The following NHSL2 variants were observed in gnomAD, a reference collection of about 807,000 sequenced individuals.
NHSL2 encodes NHS like 2, also known as NHS-like protein 2.
Under a neutral mutation model 53.4 loss-of-function variants are expected in NHSL2, and 27 were observed. That is an observed-to-expected ratio of 0.51 (90% CI 0.37 to 0.70). The LOEUF is 0.70. Ranked by LOEUF, NHSL2 falls within the 30% of genes least tolerant of loss-of-function variation. NHSL2 has a pLI of 0.00. For missense variants in NHSL2, 892 were observed against 980.1 expected, an observed-to-expected ratio of 0.91 and a Z score of 1.20; for synonymous variants, 408 against 404.1, an observed-to-expected ratio of 1.01 and a Z score of -0.12.
At chrX:72,048,641 C>T (rs1304185866) in intron 1 of NHSL2, among the ~76,000 whole-genome samples, 1 of 110,077 alleles carries the variant, frequency 9.1e-6, no homozygotes, top group East Asian at 2.8e-4. Flanking sequence ...GGCATTTCTC[C>T]TCCATGGTGA....
chrX:72,046,284 T>C (rs1350955644), intron 1 of NHSL2, among the ~76,000 whole-genome samples: 2 of 111,989 alleles, frequency 1.8e-5, no homozygotes, highest in Non-Finnish European at 3.8e-5. Context: ...TAAATGGCAC[T>C]AGACTCTAAA....
intron 1 of NHSL2, among the ~76,000 whole-genome samples, chrX:72,077,697 A>T (rs2041755932): frequency 8.9e-6 from 1 of 112,575 alleles, no homozygotes; most frequent in South Asian, 3.7e-4. Flanking sequence ...GGCAGCTCCT[A>T]CCACAGCAAC....
rs1276744226 is a variant in NHSL2, at chrX:72,138,973, C to T, written c.1425C>T (p.Gly475=). The part of the protein sequence containing the change: ...RHMPERPSKI[G]LLTSGTSRLE... ...TGCCCGAAAGACCCTCCAAGATTGG[C>T]CTTCTGACCAGTGGGACCTCGAGGC... is the stretch of plus-strand genomic sequence containing the variant. Residue 475 remains glycine (G), a synonymous_variant, in exon 6 of 8, where the codon GGC becomes GGT. Transcript: ENST00000633930. 1 of 1,199,033 alleles carries T rather than the reference C, an allele frequency of 8.3e-7. No individual in the cohort carries two copies.
At chrX:71,960,044 CTTA>C (rs1050397854) in intron 1 of NHSL2, among the ~76,000 whole-genome samples, 2 of 112,269 alleles carry the variant, frequency 1.8e-5, no homozygotes, top group African/African-American at 6.5e-5. Flanking sequence ...TGTTGTCTTG[CTTA>C]TAACCATCCC....
At chrX:72,026,755 C>T (rs758495041) in intron 1 of NHSL2, among the ~76,000 whole-genome samples, 4 of 112,499 alleles carry the variant, frequency 3.6e-5, no homozygotes, top group East Asian at 2.8e-4. Context: ...GTCTGTTCCA[C>T]CTCCTCCCCT....
chrX:72,029,202 A>G (rs1481693410), intron 1 of NHSL2, among the ~76,000 whole-genome samples: 2 of 111,380 alleles, frequency 1.8e-5, no homozygotes, highest in East Asian at 5.7e-4. Flanking sequence ...CTGGCAGCTC[A>G]CACAAGGACC....
At chrX:72,005,373 G>A (rs1039144667) in intron 1 of NHSL2, among the ~76,000 whole-genome samples, 1 of 112,523 alleles carries the variant, frequency 8.9e-6, no homozygotes, top group Non-Finnish European at 1.9e-5. Flanking sequence ...GCCTCATTGA[G>A]CTAGTGGTCA....
chrX:72,122,565 G>A (rs1372918680), intron 1 of NHSL2, among the ~76,000 whole-genome samples: 1 of 106,400 alleles, frequency 9.4e-6, no homozygotes, highest in Non-Finnish European at 1.9e-5. Flanking sequence ...GCTTAGAAAA[G>A]TGAAATTACT....
intron 1 of NHSL2, among the ~76,000 whole-genome samples, chrX:71,931,932 A>G (rs1296768144): frequency 8.9e-6 from 1 of 111,881 alleles, no homozygotes; most frequent in Non-Finnish European, 1.9e-5. Context: ...GCACTGCCTT[A>G]TTTTTGCCCA....
Position 72,143,638 on chromosome X carries a change from G to T in NHSL2, c.*64G>T. 1 of 724,537 alleles carries T rather than the reference G, an allele frequency of 1.4e-6. No homozygotes were observed. The highest frequency in any genetic ancestry group is 2.0e-6 in the Non-Finnish European group (1 of 499,198). 59.7% of individuals were successfully genotyped at this position (724,537 alleles called of 1,213,427 possible). On this transcript the variant is annotated 3_prime_UTR_variant, in exon 8 of 8. Coordinates refer to ENST00000633930, the MANE Select transcript of NHSL2 (RefSeq NM_001013627.3). Reference sequence around the variant, plus strand: ...GAGTAGAGAAGGGGGAAGAGAAAGGGTCTTTAAACAGAACCATGGGAACAA... The same window carrying T: ...GAGTAGAGAAGGGGGAAGAGAAAGGTTCTTTAAACAGAACCATGGGAACAA...
chrX:72,041,364 T>C (rs950151198), intron 1 of NHSL2, among the ~76,000 whole-genome samples: 2 of 112,073 alleles, frequency 1.8e-5, no homozygotes, highest in African/African-American at 6.5e-5. Flanking sequence ...GTCTGCACCC[T>C]GTCTAAGGGA....
At chrX:72,102,947 G>C (rs929953020) in intron 1 of NHSL2, among the ~76,000 whole-genome samples, 1 of 112,237 alleles carries the variant, frequency 8.9e-6, no homozygotes, top group Non-Finnish European at 1.9e-5. Flanking sequence ...AGCACAGTAG[G>C]AGTTGGCACA....
At chrX:72,105,424 T>C (rs1400605247) in intron 1 of NHSL2, among the ~76,000 whole-genome samples, 2 of 111,573 alleles carry the variant, frequency 1.8e-5, no homozygotes, top group Non-Finnish European at 1.9e-5. Flanking sequence ...AGTCAGGACC[T>C]AAAAGGAATT....
At chrX:72,067,802 C>T (rs2042440232) in intron 1 of NHSL2, among the ~76,000 whole-genome samples, 1 of 111,844 alleles carries the variant, frequency 8.9e-6, no homozygotes, top group Admixed American at 9.4e-5. Flanking sequence ...CCTGTGATTC[C>T]TCTCTATAAT....
intron 1 of NHSL2, among the ~76,000 whole-genome samples, chrX:72,000,005 A>G (rs926881124): frequency 8.9e-6 from 1 of 112,440 alleles, no homozygotes; most frequent in Non-Finnish European, 1.9e-5. Context: ...AATAAAGAGT[A>G]TTATATATTT....
intron 1 of NHSL2, among the ~76,000 whole-genome samples, chrX:72,095,935 C>T: frequency 9.0e-6 from 1 of 111,137 alleles, no homozygotes; most frequent in Non-Finnish European, 1.9e-5. Context: ...CTTCATTCAA[C>T]AAATAAGTGT....
chrX:72,016,412 T>C (rs1478795732), intron 1 of NHSL2, among the ~76,000 whole-genome samples: 2 of 112,414 alleles, frequency 1.8e-5, no homozygotes, highest in Non-Finnish European at 3.8e-5. Context: ...CTTCATTTGT[T>C]CTTTTCCCCA....
chrX:71,997,186 C>T (rs2042053495), intron 1 of NHSL2, among the ~76,000 whole-genome samples: 3 of 111,640 alleles, frequency 2.7e-5, no homozygotes, highest in Admixed American at 9.5e-5. Context: ...GGCAGGGCCA[C>T]TACAAGGGCA....
At chrX:72,089,864 A>G (rs2041881748) in intron 1 of NHSL2, among the ~76,000 whole-genome samples, 1 of 111,656 alleles carries the variant, frequency 9.0e-6, no homozygotes, top group Admixed American at 9.5e-5. Flanking sequence ...GTACAAAAAA[A>G]AAATCTAAAG....
Sources: allele counts gnomAD v4.1 joint callset (sites outside exome capture counted in the v4.1 genomes callset), GRCh38; gene constraint gnomAD v4.1.1; transcripts MANE v1.5; gene names NCBI Gene and HGNC (gene_info 2026-07-23, HGNC 2026-07-21).